Variants in SYT9 observed in about 807,000 individuals in gnomAD.
SYT9 encodes the protein synaptotagmin-9.
In SYT9, 22 loss-of-function variants were observed where a neutral mutation model predicts 48.4. The ratio of observed to expected loss-of-function variants is 0.45; its 90% CI spans 0.32 to 0.65. The LOEUF is 0.65. Ranked by LOEUF, SYT9 falls within the 30% of genes least tolerant of loss-of-function variation. The probability of loss-of-function intolerance (pLI) is 0.03; values close to 1 mark genes in which losing one functional copy is unlikely to be tolerated. For synonymous variants in SYT9, 265 were observed against 245.0 expected, an observed-to-expected ratio of 1.08 and a Z score of -0.76; for missense variants, 577 against 622.0, an observed-to-expected ratio of 0.93 and a Z score of 0.77.
intron 5 of SYT9, 44 bp from the exon 6 acceptor site, chr11:7,420,462 A>G: frequency 1.9e-6 from 3 of 1,609,482 alleles, no homozygotes; most frequent in Non-Finnish European, 2.5e-6. Context: ...TTGATCTTAC[A>G]TACCAAAATT....
At position 7,388,693 on chromosome 11, in the gene SYT9, G is replaced by A. The variant is rs1054267008; in HGVS notation, c.1045-27349G>A. 1.6e-4 allele frequency among the ~76,000 whole-genome samples: 24 copies of A among 152,202 alleles called. 1 individual carries two copies. The highest frequency in any genetic ancestry group is 5.3e-4 in the African/African-American group (22 of 41,522). On this transcript the variant is annotated intron_variant, in intron 3 of 6. Coordinates refer to ENST00000318881, the MANE Select transcript of SYT9 (RefSeq NM_175733.4). ...TATTTTTATTATCATAGAGTCCAAT[G>A]TATATCTGTTTTTCATCCTGTTATT... is the stretch of plus-strand genomic sequence containing the variant.
At chr11:7,277,773 G>C (rs1418386710) in intron 1 of SYT9, among the ~76,000 whole-genome samples, 1 of 152,168 alleles carries the variant, frequency 6.6e-6, no homozygotes, top group African/African-American at 2.4e-5. Context: ...TCATCAACTT[G>C]TTGGAATTCA....
intron 1 of SYT9, among the ~76,000 whole-genome samples, chr11:7,255,824 G>T (rs1440222956): frequency 4.6e-5 from 7 of 152,176 alleles, no homozygotes; most frequent in African/African-American, 1.7e-4. Flanking sequence ...AGATAGCCAA[G>T]CTGTTTTACA....
intron 1 of SYT9, among the ~76,000 whole-genome samples, chr11:7,259,089 G>A (rs1848031074): frequency 6.6e-6 from 1 of 152,040 alleles, no homozygotes; most frequent in African/African-American, 2.4e-5. Context: ...ATCATCTGTT[G>A]TTTATCTGAA....
intron 6 of SYT9, among the ~76,000 whole-genome samples, chr11:7,442,038 C>T (rs901429205): frequency 6.6e-6 from 1 of 152,100 alleles, no homozygotes; most frequent in Non-Finnish European, 1.5e-5. Context: ...TTCCAAAAAG[C>T]TCAAGCCAGC....
intron 1 of SYT9, among the ~76,000 whole-genome samples, chr11:7,289,949 C>T (rs549154337): frequency 6.6e-6 from 1 of 152,332 alleles, no homozygotes; most frequent in South Asian, 2.1e-4. Flanking sequence ...AGAAAGCTGA[C>T]AGTTGAATAC....
At position 7,313,873 on chromosome 11, in the gene SYT9, C is replaced by T; in HGVS notation, c.976C>T (p.His326Tyr). 1 of 1,614,140 alleles carries T rather than the reference C, an allele frequency of 6.2e-7. No individual in the cohort carries two copies. The highest frequency in any genetic ancestry group is 8.5e-7 in the Non-Finnish European group (1 of 1,180,000). ...HDLIGQVVVD[H>Y]FLDLADFPRE... is the part of the protein sequence containing the mutation. ...CTTAATCGGCCAAGTGGTGGTGGAT[C>T]ACTTCCTAGACTTGGCTGATTTCCC... The change falls in exon 3 of 7, where the codon CAC becomes TAC. Residue 326 changes from histidine (H) to tyrosine (Y), a missense_variant. Transcript: ENST00000318881.
upstream of SYT9, among the ~76,000 whole-genome samples, chr11:7,247,684 G>GTATATA (rs71470467): frequency 1.4e-5 from 2 of 142,972 alleles, no homozygotes; most frequent in East Asian, 4.1e-4. Context: ...ATATATGTGT[G>GTATATA]TATATATATA....
At chr11:7,247,693 T>TAC (rs1336628598), upstream of SYT9, among the ~76,000 whole-genome samples, 1 of 149,310 alleles carries the variant, frequency 6.7e-6, no homozygotes, top group African/African-American at 2.5e-5. Context: ...TGTATATATA[T>TAC]ATATATATCA....
chr11:7,295,390 A>G (rs1848780522), intron 1 of SYT9, among the ~76,000 whole-genome samples: 1 of 152,242 alleles, frequency 6.6e-6, no homozygotes, highest in African/African-American at 2.4e-5. Flanking sequence ...TTTTATAACA[A>G]GGATCACCTT....
chr11:7,258,772 G>A (rs143759994), intron 1 of SYT9, among the ~76,000 whole-genome samples: 1 of 152,114 alleles, frequency 6.6e-6, no homozygotes, highest in East Asian at 1.9e-4. Flanking sequence ...TGATGTTGTT[G>A]GTAGTATCAC....
intron 6 of SYT9, among the ~76,000 whole-genome samples, chr11:7,431,281 G>A (rs950132609): frequency 2.0e-5 from 3 of 152,336 alleles, no homozygotes; most frequent in Admixed American, 2.0e-4. Flanking sequence ...GCACATGAGA[G>A]TGATGATCTA....
chr11:7,431,735 G>A (rs555296926), intron 6 of SYT9, among the ~76,000 whole-genome samples: 39 of 152,314 alleles, frequency 2.6e-4, no homozygotes, highest in African/African-American at 8.9e-4. Context: ...TGGCTCAAAG[G>A]GGCCCAGGTC....
rs34752256 is a variant in SYT9, at chr11:7,348,688, C to CTTTTTTT, written c.1044+34770_1044+34776dup. Among the ~76,000 whole-genome samples the CTTTTTTT allele has an allele frequency of 9.6e-3, 451 of 47,086 alleles. 45 individuals are homozygous for CTTTTTTT. The highest frequency in any genetic ancestry group is 0.016 in the African/African-American group (233 of 14,480). The allele number at this position is 47,086 out of a possible 152,430, so 30.9% of individuals were successfully genotyped here. ...CCAGGTATCAGAGCCATCAGACCTC[C>CTTTTTTT]TTTTTTTTTTTTTTTTTTTTTTTTT... On this transcript the variant is annotated intron_variant, in intron 3 of 6. Transcript: ENST00000318881.
chr11:7,314,871 C>A (rs1849211849), intron 3 of SYT9, among the ~76,000 whole-genome samples: 1 of 152,222 alleles, frequency 6.6e-6, no homozygotes, highest in South Asian at 2.1e-4. Context: ...GCACCACCGT[C>A]TTTATTCAGC....
At chr11:7,445,040 T>G (rs1294493924) in intron 6 of SYT9, among the ~76,000 whole-genome samples, 4 of 152,220 alleles carry the variant, frequency 2.6e-5, no homozygotes, top group Non-Finnish European at 4.4e-5. Flanking sequence ...ACTTTCTGGC[T>G]TTGCCATTTT....
chr11:7,287,276 T>C (rs1848614118), intron 1 of SYT9, among the ~76,000 whole-genome samples: 1 of 152,156 alleles, frequency 6.6e-6, no homozygotes, highest in Non-Finnish European at 1.5e-5. Context: ...TCTTGAGAAC[T>C]CACTCTCTAT....
chr11:7,407,482 G>A (rs1362222376), intron 3 of SYT9, among the ~76,000 whole-genome samples: 2 of 87,656 alleles, frequency 2.3e-5, no homozygotes, highest in South Asian at 5.8e-4. Flanking sequence ...CCGGGTTCAC[G>A]CCATTCTCCT....
intron 3 of SYT9, among the ~76,000 whole-genome samples, chr11:7,408,080 G>T (rs1264189846): frequency 3.3e-5 from 5 of 151,968 alleles, no homozygotes; most frequent in African/African-American, 7.2e-5. Flanking sequence ...TTGGTTTTTT[G>T]ATAGAGATTG....
Sources: gnomAD v4.1 joint callset for allele counts (sites outside exome capture counted in the v4.1 genomes callset) on GRCh38, gnomAD v4.1.1 for gene constraint, MANE v1.5 for transcripts, NCBI Gene and HGNC (gene_info 2026-07-23, HGNC 2026-07-21) for gene names.